The following CAMK2A variants were observed in gnomAD, a reference collection of about 807,000 sequenced individuals.
CAMK2A encodes calcium/calmodulin-dependent protein kinase type II subunit alpha.
A neutral mutation model predicts 79.2 loss-of-function variants in CAMK2A; 7 were observed. The ratio of observed to expected loss-of-function variants is 0.09; its 90% CI spans 0.05 to 0.17. The LOEUF (loss-of-function observed/expected upper bound fraction) is 0.17, where lower values mean the gene tolerates loss of function less well. Ranked by LOEUF, CAMK2A falls within the 10% of genes least tolerant of loss-of-function variation. CAMK2A has a pLI of 1.00. For missense variants in CAMK2A, 214 were observed against 646.4 expected, an observed-to-expected ratio of 0.33 and a Z score of 7.25; for synonymous variants, 242 against 251.7, an observed-to-expected ratio of 0.96 and a Z score of 0.36.
chr5:150,266,715 C>T (rs1756527416), intron 2 of CAMK2A, among the ~76,000 whole-genome samples: 1 of 152,152 alleles, frequency 6.6e-6, no homozygotes, highest in African/African-American at 2.4e-5. Context: ...GTTCTCTGTG[C>T]CCCAGCTCAT....
chr5:150,231,198 CAA>C, intron 16 of CAMK2A, 105 bp downstream of exon 16: 1 of 542,602 alleles, frequency 1.8e-6, no homozygotes, highest in Non-Finnish European at 3.3e-6. Flanking sequence ...ACAGCACATG[CAA>C]AGTGAGTGGA....
At chr5:150,258,550 G>C (rs776940571) in intron 3 of CAMK2A, among the ~76,000 whole-genome samples, 1 of 152,328 alleles carries the variant, frequency 6.6e-6, no homozygotes, top group African/African-American at 2.4e-5. Context: ...AACAGTATGC[G>C]TAGTACTTTT....
chr5:150,246,904 G>T (rs1755592328), intron 12 of CAMK2A, among the ~76,000 whole-genome samples: 1 of 152,220 alleles, frequency 6.6e-6, no homozygotes, highest in African/African-American at 2.4e-5. Flanking sequence ...GCTGGCCCCA[G>T]CCCCAGTCAG....
intron 1 of CAMK2A, among the ~76,000 whole-genome samples, chr5:150,273,680 T>C (rs144876682): frequency 1.4e-4 from 21 of 152,354 alleles, no homozygotes; most frequent in Middle Eastern, 3.4e-3. Flanking sequence ...GGACTTTGTA[T>C]AGAGTTCTCC....
chr5:150,232,525 A>G (rs1334219483), intron 15 of CAMK2A, among the ~76,000 whole-genome samples: 1 of 152,232 alleles, frequency 6.6e-6, no homozygotes, highest in African/African-American at 2.4e-5. Context: ...GGCTCCTGGC[A>G]GAGCCTAACA....
At chr5:150,243,728 T>C (rs1212548486) in intron 13 of CAMK2A, among the ~76,000 whole-genome samples, 2 of 152,214 alleles carry the variant, frequency 1.3e-5, no homozygotes, top group African/African-American at 4.8e-5. Flanking sequence ...TCAGGGCGCA[T>C]TGTATTAGTT....
At chr5:150,222,847 C>T in intron 18 of CAMK2A, 134 bp from the exon 19 acceptor site, 4 of 1,370,358 alleles carry the variant, frequency 2.9e-6, no homozygotes, top group Non-Finnish European at 4.2e-6. Context: ...GACCTGCAGG[C>T]CTGGCCCCCT....
In CAMK2A at chr5:150,223,416, G is replaced by C. The variant is rs1754445317; in HGVS notation, c.1238-199C>G. On this transcript the variant is annotated intron_variant, in intron 17 of 18. Transcript: ENST00000671881. The surrounding 1 kb of genome is among the most constrained non-coding windows in gnomAD (Gnocchi z 4.1). ...TAGATGATGGGGACATCACATCCTA[G>C]TTTAGATACAGTGGAGTTCAGACAT... 1.3e-5 allele frequency among the ~76,000 whole-genome samples: 2 copies of C among 152,226 alleles called. No homozygotes were observed. The highest frequency in any genetic ancestry group is 1.9e-4 in the East Asian group (1 of 5,198).
At chr5:150,242,707 G>A (rs778138785) in intron 13 of CAMK2A, among the ~76,000 whole-genome samples, 1 of 152,154 alleles carries the variant, frequency 6.6e-6, no homozygotes, top group Non-Finnish European at 1.5e-5. Flanking sequence ...GCCCACACTC[G>A]AACCCATGGC....
In CAMK2A at chr5:150,222,553, A is replaced by G. The variant is rs765564257; in HGVS notation, c.*157T>C. 130 of 820,000 alleles carry G rather than the reference A, an allele frequency of 1.6e-4. No homozygotes were observed. Among genetic ancestry groups the G allele is most frequent in the Non-Finnish European group, 2.6e-4 (125 of 484,360 alleles). The allele number at this position is 820,000 out of a possible 1,614,324, so 50.8% of individuals were successfully genotyped here. The stretch of plus-strand genomic sequence containing the variant: ...TCTGAAGTTGCGATGACTTTTGTGA[A>G]CAAGCAGGTTTTCTTGATGCAGGTA... On this transcript the variant is annotated 3_prime_UTR_variant, in exon 19 of 19. Transcript: ENST00000671881.
intron 17 of CAMK2A, among the ~76,000 whole-genome samples, chr5:150,226,265 G>A (rs769274102): frequency 2.3e-4 from 35 of 152,152 alleles, no homozygotes; most frequent in Non-Finnish European, 4.3e-4. Flanking sequence ...GGGCACTGGG[G>A]TGAGTCAGGT....
At chr5:150,251,217 G>C (rs1486852334) in intron 9 of CAMK2A, among the ~76,000 whole-genome samples, 2 of 152,248 alleles carry the variant, frequency 1.3e-5, no homozygotes, top group East Asian at 3.8e-4. Flanking sequence ...ATACGGCACA[G>C]AGCTTAATAG....
intron 1 of CAMK2A, among the ~76,000 whole-genome samples, chr5:150,279,407 C>T (rs1757116888): frequency 1.3e-5 from 2 of 152,160 alleles, no homozygotes; most frequent in Admixed American, 1.3e-4. Flanking sequence ...CCTGTTTCCT[C>T]CCCACTGCAA....
At chr5:150,237,680 CCT>C (rs1401785023) in intron 15 of CAMK2A, among the ~76,000 whole-genome samples, 12 of 152,298 alleles carry the variant, frequency 7.9e-5, no homozygotes, top group African/African-American at 2.6e-4. Flanking sequence ...GCCTCTCTGT[CCT>C]CTGTTTCCTC....
chr5:150,233,073 T>C (rs1394791012), intron 15 of CAMK2A, among the ~76,000 whole-genome samples: 4 of 152,226 alleles, frequency 2.6e-5, no homozygotes, highest in African/African-American at 4.8e-5. Context: ...AGATGAGCTC[T>C]TGGGGGCTGG....
At chr5:150,282,041 C>T (rs1757235501) in intron 1 of CAMK2A, among the ~76,000 whole-genome samples, 2 of 152,210 alleles carry the variant, frequency 1.3e-5, no homozygotes, top group South Asian at 4.1e-4. Context: ...TTCTTCCCAG[C>T]TCTGTAAGCA....
At chr5:150,287,025 T>A (rs545068346) in intron 1 of CAMK2A, among the ~76,000 whole-genome samples, 8 of 152,330 alleles carry the variant, frequency 5.3e-5, no homozygotes, top group Admixed American at 3.9e-4. Context: ...CACAGAGCTA[T>A]GGGTGATGAG....
intron 13 of CAMK2A, among the ~76,000 whole-genome samples, chr5:150,242,570 T>C (rs1755395970): frequency 6.6e-6 from 1 of 152,176 alleles, no homozygotes; most frequent in Non-Finnish European, 1.5e-5. Flanking sequence ...GAAAGGAGCC[T>C]GTGATGTGGC....
At chr5:150,276,545 G>C (rs1400236819) in intron 1 of CAMK2A, among the ~76,000 whole-genome samples, 1 of 152,178 alleles carries the variant, frequency 6.6e-6, no homozygotes, top group African/African-American at 2.4e-5. Flanking sequence ...CCCAGGCATG[G>C]GGATGGACCC....
Sources: allele counts gnomAD v4.1 joint callset (sites outside exome capture counted in the v4.1 genomes callset), GRCh38; gene constraint gnomAD v4.1.1; non-coding constraint Gnocchi (gnomAD v3.1); transcripts MANE v1.5; gene names NCBI Gene and HGNC (gene_info 2026-07-23, HGNC 2026-07-21).